The following RAD54B variants were observed in gnomAD, a reference collection of about 807,000 sequenced individuals.
RAD54B encodes the protein RAD54 homolog B.
A neutral mutation model predicts 95.8 loss-of-function variants in RAD54B; 78 were observed. The observed-to-expected ratio is 0.81, with a 90% confidence interval of 0.68 to 0.98. RAD54B has a LOEUF of 0.98. Among genes scored for constraint, RAD54B ranks in the 50% least tolerant of loss-of-function variants. The pLI is 0.00. For missense variants in RAD54B, 957 were observed against 1,056.6 expected (o/e 0.91, Z 1.31); for synonymous variants, 328 against 354.9 (o/e 0.92, Z 0.85).
At chr8:94,374,166 C>A (rs1470706549) in intron 14 of RAD54B, among the ~76,000 whole-genome samples, 1 of 152,022 alleles carries the variant, frequency 6.6e-6, no homozygotes, top group Admixed American at 6.6e-5. Flanking sequence ...GTAGTCCCAG[C>A]TACTCGGGAG....
chr8:94,435,596 T>G (rs1812233550), intron 3 of RAD54B, among the ~76,000 whole-genome samples: 1 of 152,126 alleles, frequency 6.6e-6, no homozygotes, highest in Non-Finnish European at 1.5e-5. Flanking sequence ...GCTGCCATTT[T>G]TATATTTTGC....
At chr8:94,455,911 G>A (rs1283877112) in intron 3 of RAD54B, among the ~76,000 whole-genome samples, 1 of 152,070 alleles carries the variant, frequency 6.6e-6, no homozygotes, top group Non-Finnish European at 1.5e-5. Flanking sequence ...GATTACATCT[G>A]CAAAGACCCT....
intron 3 of RAD54B, among the ~76,000 whole-genome samples, chr8:94,446,422 G>A (rs891172640): frequency 5.3e-5 from 8 of 152,082 alleles, no homozygotes; most frequent in African/African-American, 1.9e-4. Context: ...GTGAAGAGAA[G>A]GTAAACTGAG....
intron 3 of RAD54B, among the ~76,000 whole-genome samples, chr8:94,452,687 T>C (rs760336109): frequency 1.3e-5 from 2 of 152,012 alleles, no homozygotes; most frequent in South Asian, 2.1e-4. Flanking sequence ...TTAGTAGATA[T>C]GGGGTTTCAC....
chr8:94,377,245 C>A (rs1810601803), intron 14 of RAD54B, among the ~76,000 whole-genome samples: 2 of 151,978 alleles, frequency 1.3e-5, no homozygotes, highest in Admixed American at 1.3e-4. Context: ...GGATTAAAAC[C>A]ATTTTTCTGG....
intron 3 of RAD54B, chr8:94,431,837 G>C: frequency 9.6e-7 from 1 of 1,046,376 alleles, no homozygotes; most frequent in Non-Finnish European, 1.2e-6. Context: ...AAGAATATGT[G>C]TTTGTATATG....
At chr8:94,379,216 A>G (rs1024402945) in intron 12 of RAD54B, among the ~76,000 whole-genome samples, 1 of 152,198 alleles carries the variant, frequency 6.6e-6, no homozygotes, top group Non-Finnish European at 1.5e-5. Context: ...CACACCAGAT[A>G]GTTTATGCTA....
chr8:94,421,309 T>C (rs1811802416), intron 3 of RAD54B, among the ~76,000 whole-genome samples: 1 of 152,140 alleles, frequency 6.6e-6, no homozygotes, highest in African/African-American at 2.4e-5. Context: ...TCCTTCAAAT[T>C]TTCCTCTTAC....
At chr8:94,379,923 C>G (rs1369906560) in intron 12 of RAD54B, among the ~76,000 whole-genome samples, 1 of 152,160 alleles carries the variant, frequency 6.6e-6, no homozygotes, top group Admixed American at 6.5e-5. Context: ...GGATCTAGAA[C>G]AAGCTTCTAT....
Position 94,378,628 on chromosome 8 carries a change from A to G in RAD54B, c.2254T>C (p.Ser752Pro). 1.2e-6 allele frequency: 2 copies of G among 1,604,836 alleles called. No individual in the cohort carries two copies. The highest frequency in any genetic ancestry group is 1.7e-6 in the Non-Finnish European group (2 of 1,174,358). The change falls in exon 13 of 15, where the codon TCT becomes CCT. Residue 752 changes from serine to proline, a missense_variant. Ser to Pro is a moderately conservative substitution (Grantham distance 74). Coordinates refer to ENST00000336148, the MANE Select transcript of RAD54B (RefSeq NM_012415.3). ...TTCTGACCATCTCTCCATACTCTAG[A>G]CATTGCCTATAGAAAATAAGTGAGA... ...WNPATDIQAM[S>P]RVWRDGQKYP...
intron 2 of RAD54B, among the ~76,000 whole-genome samples, chr8:94,465,495 T>A (rs577687295): frequency 7.2e-4 from 109 of 152,224 alleles, no homozygotes; most frequent in Non-Finnish European, 1.1e-3. Flanking sequence ...AATAAAAAAA[T>A]TTTTTAAATG....
rs10216902 is a variant in RAD54B at position 94,467,750 on chromosome 8, A to G, written c.-16-195T>C. On this transcript the variant is annotated intron_variant, in intron 1 of 14. Coordinates refer to ENST00000336148, the MANE Select transcript of RAD54B (RefSeq NM_012415.3). ...ATTCCAGGCACTTAGCTAGCCCTGA[A>G]AAGTACATGAGCAATATGATTAGCA... 0.42 allele frequency among the ~76,000 whole-genome samples: 63,100 copies of G among 151,992 alleles called. 13,325 individuals carry two copies. Among genetic ancestry groups the G allele is most frequent in the Admixed American group, 0.51 (7,829 of 15,282 alleles).
rs575186245 is a variant in RAD54B at position 94,424,207 on chromosome 8, T to G, written c.305-12892A>C. On this transcript the variant is annotated intron_variant, in intron 3 of 14. Transcript: ENST00000336148. ...CAGAACAGCAGAAGGGCATGAACTA[T>G]GGAGACAGACTGGCTGGGTCAGAGT... 9.8e-5 allele frequency among the ~76,000 whole-genome samples: 15 copies of G among 152,348 alleles called. 1 individual carries two copies. Among genetic ancestry groups the G allele is most frequent in the Admixed American group, 8.5e-4 (13 of 15,296 alleles).
intron 14 of RAD54B, among the ~76,000 whole-genome samples, chr8:94,374,171 C>T (rs1179345775): frequency 2.0e-5 from 3 of 151,670 alleles, no homozygotes; most frequent in Non-Finnish European, 4.4e-5. Context: ...CCCAGCTACT[C>T]GGGAGGCTGA....
Position 94,404,213 on chromosome 8 carries a change from T to C in RAD54B, c.808A>G (p.Lys270Glu), listed in dbSNP as rs761125809. 5.0e-6 allele frequency: 8 copies of C among 1,604,748 alleles called. 1 individual carries two copies. In the Middle Eastern group the frequency reaches 6.7e-4, roughly 133 times the overall value. Residue 270 changes from lysine to glutamate, a missense_variant, in exon 6 of 15, where the codon AAG (lysine) becomes GAG (glutamate). Lys to Glu is a moderately conservative substitution (Grantham distance 56). Coordinates refer to ENST00000336148, the MANE Select transcript of RAD54B (RefSeq NM_012415.3). Reference protein sequence around the residue: ...PNSLVMPRPDKNHQWVFNKNC... With the variant: ...PNSLVMPRPDENHQWVFNKNC... ...TTATTGAATACCCACTGGTGATTCTTATCTGGTCGTGGCATAACGAGGGAA... is the reference window on the plus strand; with the variant it reads ...TTATTGAATACCCACTGGTGATTCTCATCTGGTCGTGGCATAACGAGGGAA...
intron 3 of RAD54B, among the ~76,000 whole-genome samples, chr8:94,456,458 G>A (rs752776873): frequency 2.0e-5 from 3 of 152,158 alleles, no homozygotes; most frequent in Non-Finnish European, 4.4e-5. Flanking sequence ...ACACACTTAA[G>A]TGGCTAGAGG....
At chr8:94,450,793 T>G (rs72674813) in intron 3 of RAD54B, among the ~76,000 whole-genome samples, 5,347 of 152,006 alleles carry the variant, frequency 0.035, 138 homozygotes, top group Middle Eastern at 0.061. Context: ...GGAACAAGAA[T>G]TGCTTGAATC....
chr8:94,391,358 T>C (rs895306085), intron 10 of RAD54B, among the ~76,000 whole-genome samples: 4 of 150,728 alleles, frequency 2.7e-5, no homozygotes, highest in South Asian at 2.1e-4. Context: ...CCAAAGGGGA[T>C]TGGGCACAAA....
chr8:94,464,298 G>A (rs553457371), intron 2 of RAD54B, among the ~76,000 whole-genome samples: 272 of 152,236 alleles, frequency 1.8e-3, no homozygotes, highest in Non-Finnish European at 3.1e-3. Context: ...GAACTCAAAC[G>A]TGCTTCCCTG....
Sources: gnomAD v4.1 joint callset for allele counts (sites outside exome capture counted in the v4.1 genomes callset) on GRCh38, gnomAD v4.1.1 for gene constraint, MANE v1.5 for transcripts, NCBI Gene and HGNC (gene_info 2026-07-23, HGNC 2026-07-21) for gene names.